FIGLA: variants seen among roughly 807,000 people sequenced by gnomAD.
FIGLA encodes the protein folliculogenesis specific bHLH transcription factor.
Under a neutral mutation model 21.5 loss-of-function variants are expected in FIGLA, and 17 were observed. That is an observed-to-expected ratio of 0.79 (90% CI 0.54 to 1.19). FIGLA has a LOEUF of 1.19. Ranked by LOEUF, FIGLA falls within the 50% of genes most tolerant of loss-of-function variation. The probability of loss-of-function intolerance (pLI) is 0.00; values close to 1 mark genes in which losing one functional copy is unlikely to be tolerated. For synonymous variants in FIGLA, 129 were observed against 117.6 expected, an observed-to-expected ratio of 1.10 and a Z score of -0.63; for missense variants, 282 against 285.0, an observed-to-expected ratio of 0.99 and a Z score of 0.08.
In FIGLA at chr2:70,787,755, G is replaced by A; in HGVS notation, c.278C>T (p.Pro93Leu). 6.2e-7 allele frequency: 1 copy of A among 1,613,128 alleles called. No individual in the cohort carries two copies. The highest frequency in any genetic ancestry group is 8.5e-7 in the Non-Finnish European group (1 of 1,179,624). Residue 93 changes from proline (P) to leucine (L), a missense_variant, in exon 2 of 5, where the codon CCA (proline) becomes CTA (leucine). Pro to Leu is a moderately conservative substitution (Grantham distance 98). Transcript: ENST00000332372. ...RGFARLKALV[P>L]FLPQSRKPSK... Reference sequence around the variant, plus strand: ...GGGCTTCCTGCTTTGGGGAAGAAATGGCACAAGTGCCTTCAATCTGGCAAA... The same window carrying A: ...GGGCTTCCTGCTTTGGGGAAGAAATAGCACAAGTGCCTTCAATCTGGCAAA...
At chr2:70,790,358 T>G in intron 1 of FIGLA, 50 bp downstream of exon 1, 3 of 1,469,094 alleles carry the variant, frequency 2.0e-6, no homozygotes, top group Non-Finnish European at 2.7e-6. Context: ...AGGTGTTTGG[T>G]GGTAGAGCAG....
At chr2:70,781,684 C>G (rs1675858617) in intron 3 of FIGLA, among the ~76,000 whole-genome samples, 1 of 152,156 alleles carries the variant, frequency 6.6e-6, no homozygotes, top group Non-Finnish European at 1.5e-5. Context: ...AAAAGACCAT[C>G]TGTAAAAGTC....
intron 1 of FIGLA, among the ~76,000 whole-genome samples, chr2:70,790,172 T>C (rs1676034232): frequency 6.6e-6 from 1 of 152,134 alleles, no homozygotes. Flanking sequence ...GCACAAATCC[T>C]GGAGGGTTAG....
chr2:70,782,626 A>T (rs1221874112), intron 3 of FIGLA, among the ~76,000 whole-genome samples: 1 of 152,180 alleles, frequency 6.6e-6, no homozygotes, highest in Non-Finnish European at 1.5e-5. Context: ...TATGCAGGGG[A>T]ATGTCCTGTT....
At position 70,790,296 on chromosome 2, in the gene FIGLA, C is replaced by T. The variant is rs1390588775; in HGVS notation, c.231+112G>A. ...GGGGGCGTGGGAGGCCTCGGGAGCT[C>T]GAAGTCGCCTCGAGCGGGGGTGGGC... On this transcript the variant is annotated intron_variant, in intron 1 of 4. Transcript: ENST00000332372. 7 of 1,202,582 alleles carry T rather than the reference C, an allele frequency of 5.8e-6. No homozygotes were observed. In the East Asian group the frequency reaches 2.2e-4, roughly 37 times the overall value. 74.5% of individuals were successfully genotyped at this position (1,202,582 alleles called of 1,614,324 possible).
intron 3 of FIGLA, among the ~76,000 whole-genome samples, 160 bp from the exon 4 acceptor site, chr2:70,777,831 A>T (rs1675787687): frequency 6.6e-6 from 1 of 152,252 alleles, no homozygotes; most frequent in Non-Finnish European, 1.5e-5. Context: ...AAGAACAGGC[A>T]CACAATGTTA....
At chr2:70,784,666 C>G (rs1163076750) in intron 3 of FIGLA, among the ~76,000 whole-genome samples, 1 of 152,180 alleles carries the variant, frequency 6.6e-6, no homozygotes, top group East Asian at 1.9e-4. Flanking sequence ...CCCACTGTCC[C>G]TTATATCATA....
chr2:70,787,024 G>GTCCA, intron 2 of FIGLA, among the ~76,000 whole-genome samples: 1 of 152,246 alleles, frequency 6.6e-6, no homozygotes, highest in Admixed American at 6.5e-5. Context: ...CATAAAACCA[G>GTCCA]TCCACACTTT....
At chr2:70,787,577 GCA>G (rs1475470630) in intron 2 of FIGLA, 70 bp downstream of exon 2, 4 of 1,386,180 alleles carry the variant, frequency 2.9e-6, no homozygotes, top group Non-Finnish European at 4.0e-6. Flanking sequence ...ATATCACTTG[GCA>G]CAGTGTCTCG....
intron 3 of FIGLA, among the ~76,000 whole-genome samples, chr2:70,783,666 C>A (rs1422988380): frequency 1.3e-5 from 2 of 151,648 alleles, no homozygotes; most frequent in Non-Finnish European, 2.9e-5. Context: ...CATTACTCTT[C>A]TTAGATAGTC....
At chr2:70,785,810 C>T (rs1205797242) in intron 2 of FIGLA, among the ~76,000 whole-genome samples, 171 bp from the exon 3 acceptor site, 3 of 152,174 alleles carry the variant, frequency 2.0e-5, no homozygotes, top group Non-Finnish European at 4.4e-5. Flanking sequence ...TTTTGTTCTC[C>T]TATCATCTTA....
At chr2:70,780,688 G>A (rs542039314) in intron 3 of FIGLA, among the ~76,000 whole-genome samples, 4 of 152,188 alleles carry the variant, frequency 2.6e-5, no homozygotes, top group East Asian at 1.9e-4. Flanking sequence ...CCAGAAAGAC[G>A]GCTGCACAGT....
chr2:70,787,703 C>A lies in FIGLA; in HGVS notation c.330G>T (p.Ala110=). ...KPSKVDILKG[A]TEYIQVLSDL... is the part of the protein sequence containing the mutation. ...CACTGAGAACCTGTATATATTCAGTCGCACCTTTAAGGATATCAACTTTGC... is the reference window on the plus strand; with the variant it reads ...CACTGAGAACCTGTATATATTCAGTAGCACCTTTAAGGATATCAACTTTGC... Residue 110 remains alanine, a synonymous_variant, in exon 2 of 5, where the codon GCG becomes GCT. Transcript: ENST00000332372. The A allele has an allele frequency of 6.2e-7, 1 of 1,604,862 alleles. No homozygotes were observed. Among genetic ancestry groups the A allele is most frequent in the Non-Finnish European group, 8.5e-7 (1 of 1,175,706 alleles).
At chr2:70,787,852 C>T in intron 1 of FIGLA, 51 bp from the exon 2 acceptor site, 4 of 1,582,400 alleles carry the variant, frequency 2.5e-6, no homozygotes, top group Non-Finnish European at 3.4e-6. Flanking sequence ...TTTGTATAGA[C>T]ATCTCCCCAA....
intron 1 of FIGLA, among the ~76,000 whole-genome samples, chr2:70,790,102 A>T (rs1574353582): frequency 6.6e-6 from 1 of 152,210 alleles, no homozygotes; most frequent in East Asian, 1.9e-4. Flanking sequence ...GCACCTGCCC[A>T]GGGAGACATT....
At chr2:70,787,593 A>T in intron 2 of FIGLA, 56 bp downstream of exon 2, 1 of 1,496,208 alleles carries the variant, frequency 6.7e-7, no homozygotes, top group Non-Finnish European at 9.1e-7. Context: ...TGTCTCGTAC[A>T]TAGAAAAGGC....
intron 3 of FIGLA, among the ~76,000 whole-genome samples, chr2:70,780,248 A>C (rs1326851610): frequency 2.6e-5 from 4 of 151,884 alleles, no homozygotes; most frequent in African/African-American, 9.7e-5. Context: ...AATCCCCCAA[A>C]ACGCCCATCC....
intron 3 of FIGLA, among the ~76,000 whole-genome samples, chr2:70,783,869 T>G (rs1262894244): frequency 6.6e-6 from 1 of 152,102 alleles, no homozygotes; most frequent in Non-Finnish European, 1.5e-5. Flanking sequence ...GCCTGATTTT[T>G]AGTAGCAATG....
intron 3 of FIGLA, among the ~76,000 whole-genome samples, chr2:70,785,140 T>G (rs1553389709): frequency 6.6e-6 from 1 of 151,992 alleles, no homozygotes; most frequent in Non-Finnish European, 1.5e-5. Context: ...AGGTCTGTAT[T>G]GGGTGGTTCT....
Sources: gnomAD v4.1 joint callset for allele counts (sites outside exome capture counted in the v4.1 genomes callset) on GRCh38, gnomAD v4.1.1 for gene constraint, MANE v1.5 for transcripts, NCBI Gene and HGNC (gene_info 2026-07-23, HGNC 2026-07-21) for gene names.